The following ERP44 variants were observed in gnomAD, a reference collection of about 807,000 sequenced individuals.
The protein encoded by ERP44 is endoplasmic reticulum protein 44, also known as endoplasmic reticulum resident protein 44.
In ERP44, 25 loss-of-function variants were observed where a neutral mutation model predicts 53.4. The observed-to-expected ratio is 0.47, with a 90% CI of 0.34 to 0.65. ERP44 has a LOEUF of 0.65. Among genes scored for constraint, ERP44 ranks in the 30% least tolerant of loss-of-function variants. The probability of loss-of-function intolerance (pLI) is 0.01; values close to 1 mark genes in which losing one functional copy is unlikely to be tolerated. For missense variants in ERP44, 338 were observed against 493.2 expected, an observed-to-expected ratio of 0.69 and a Z score of 2.98; for synonymous variants, 145 against 161.2, an observed-to-expected ratio of 0.90 and a Z score of 0.76.
At chr9:100,040,119 T>C (rs1254469138) in intron 4 of ERP44, among the ~76,000 whole-genome samples, 1 of 152,146 alleles carries the variant, frequency 6.6e-6, no homozygotes, top group African/African-American at 2.4e-5. Context: ...CCAATCCTAC[T>C]CAAACTATTC....
chr9:100,061,919 T>C (rs78664561), intron 1 of ERP44, among the ~76,000 whole-genome samples: 1 of 152,168 alleles, frequency 6.6e-6, no homozygotes, highest in African/African-American at 2.4e-5. Context: ...ACATTGGCAT[T>C]TGAGGAAATA....
intron 1 of ERP44, among the ~76,000 whole-genome samples, chr9:100,064,211 G>A (rs1417193463): frequency 6.6e-6 from 1 of 152,170 alleles, no homozygotes; most frequent in Non-Finnish European, 1.5e-5. Context: ...GGAGTACCTT[G>A]AAAGTAGAGA....
intron 1 of ERP44, among the ~76,000 whole-genome samples, chr9:100,082,113 A>G (rs1826433794): frequency 6.6e-6 from 1 of 152,142 alleles, no homozygotes; most frequent in African/African-American, 2.4e-5. Context: ...AAAAGCAAAA[A>G]AACTTTTAAA....
intron 3 of ERP44, among the ~76,000 whole-genome samples, chr9:100,055,701 C>T (rs1219551081): frequency 6.6e-6 from 1 of 152,172 alleles, no homozygotes; most frequent in Admixed American, 6.5e-5. Flanking sequence ...ACACCTCTAT[C>T]AAAATATCTC....
intron 4 of ERP44, among the ~76,000 whole-genome samples, chr9:100,042,370 C>T (rs1016770813): frequency 1.3e-5 from 2 of 152,134 alleles, no homozygotes; most frequent in African/African-American, 4.8e-5. Flanking sequence ...TACTATCTCA[C>T]CCCAGTTAAT....
intron 4 of ERP44, among the ~76,000 whole-genome samples, chr9:100,045,822 C>T (rs1388030539): frequency 6.6e-6 from 1 of 152,106 alleles, no homozygotes; most frequent in Non-Finnish European, 1.5e-5. Context: ...TAGGAAGCTT[C>T]TTACAGATCT....
intron 1 of ERP44, among the ~76,000 whole-genome samples, chr9:100,068,790 T>A (rs1826266034): frequency 6.6e-6 from 1 of 152,044 alleles, no homozygotes. Flanking sequence ...CTGGGAGGTG[T>A]ACCCAACAGC....
intron 1 of ERP44, among the ~76,000 whole-genome samples, chr9:100,074,277 C>T (rs907515784): frequency 2.6e-5 from 4 of 152,170 alleles, no homozygotes; most frequent in Non-Finnish European, 4.4e-5. Flanking sequence ...TCCCCACCCC[C>T]GTCAGTCTTC....
intron 10 of ERP44, among the ~76,000 whole-genome samples, chr9:99,988,961 G>A (rs551816108): frequency 1.3e-5 from 2 of 152,338 alleles, no homozygotes; most frequent in South Asian, 2.1e-4. Context: ...ATGGAACTGC[G>A]AGGTGGCAGC....
At chr9:100,073,165 T>C (rs74660294) in intron 1 of ERP44, among the ~76,000 whole-genome samples, 1 of 152,316 alleles carries the variant, frequency 6.6e-6, no homozygotes, top group Non-Finnish European at 1.5e-5. Context: ...AACTCAAAAC[T>C]TCCCAAGTAC....
chr9:100,026,141 T>C (rs141030090), intron 4 of ERP44, among the ~76,000 whole-genome samples: 224 of 152,356 alleles, frequency 1.5e-3, no homozygotes, highest in African/African-American at 5.2e-3. Flanking sequence ...CTGAGAATTA[T>C]ACCTGCATAG....
chr9:100,084,525 G>C (rs186426410), intron 1 of ERP44, among the ~76,000 whole-genome samples: 1 of 152,130 alleles, frequency 6.6e-6, no homozygotes, highest in Non-Finnish European at 1.5e-5. Flanking sequence ...CCTGACAATG[G>C]GTTAATAAAC....
rs146647368 is a variant in ERP44, at chr9:100,062,697, G to A, written c.58-2525C>T. ...GGAACACTCCAAATCCACTCTTTTG[G>A]TTATTCTGAAATATTTTTGAAGAGT... On this transcript the variant is annotated intron_variant, in intron 1 of 11. Transcript: ENST00000262455. 7.6e-4 allele frequency among the ~76,000 whole-genome samples: 115 copies of A among 152,178 alleles called. 2 individuals carry two copies. The East Asian group carries it at 0.018, about 23-fold the overall frequency.
At chr9:100,065,250 C>T (rs1826197221) in intron 1 of ERP44, among the ~76,000 whole-genome samples, 1 of 152,130 alleles carries the variant, frequency 6.6e-6, no homozygotes, top group South Asian at 2.1e-4. Context: ...CAATTACCTA[C>T]AATATTCAGT....
At chr9:100,087,752 G>A (rs1826501588) in intron 1 of ERP44, among the ~76,000 whole-genome samples, 1 of 152,042 alleles carries the variant, frequency 6.6e-6, no homozygotes, top group African/African-American at 2.4e-5. Context: ...TGAACCAGAA[G>A]TCTACCACTC....
chr9:100,038,505 A>G (rs955086474), intron 4 of ERP44, among the ~76,000 whole-genome samples: 11 of 152,150 alleles, frequency 7.2e-5, no homozygotes, highest in Admixed American at 6.5e-5. Context: ...TGATAAATAA[A>G]AAATAAAAAG....
At chr9:100,040,723 C>T (rs889150058) in intron 4 of ERP44, among the ~76,000 whole-genome samples, 56 of 152,208 alleles carry the variant, frequency 3.7e-4, no homozygotes, top group Non-Finnish European at 6.3e-4. Flanking sequence ...TCAAAATATC[C>T]TTGTTTGTAA....
At chr9:100,061,669 ACT>A (rs1826152045) in intron 1 of ERP44, among the ~76,000 whole-genome samples, 3 of 150,164 alleles carry the variant, frequency 2.0e-5, no homozygotes, top group Admixed American at 1.3e-4. Flanking sequence ...TAAGGATAAC[ACT>A]GTCTTATTTT....
intron 6 of ERP44, among the ~76,000 whole-genome samples, chr9:100,018,637 G>A (rs1032475763): frequency 6.6e-5 from 10 of 152,084 alleles, no homozygotes; most frequent in East Asian, 3.9e-4. Flanking sequence ...AAACAAAAAC[G>A]AAATAACCCA....
Sources: gnomAD v4.1 joint callset for allele counts (sites outside exome capture counted in the v4.1 genomes callset) on GRCh38, gnomAD v4.1.1 for gene constraint, MANE v1.5 for transcripts, NCBI Gene and HGNC (gene_info 2026-07-23, HGNC 2026-07-21) for gene names.